The following ZNF808 variants were observed in gnomAD, a reference collection of about 807,000 sequenced individuals.
ZNF808 encodes the protein zinc finger protein 808.
A neutral mutation model predicts 8.7 loss-of-function variants in ZNF808; 5 were observed. That is an observed-to-expected ratio of 0.58 (90% CI 0.30 to 1.21). The LOEUF is 1.21. Ranked by LOEUF, ZNF808 falls within the 50% of genes most tolerant of loss-of-function variation. ZNF808 has a pLI of 0.07. For missense variants in ZNF808, 1,103 were observed against 1,098.4 expected, an observed-to-expected ratio of 1.00 and a Z score of -0.06; for synonymous variants, 380 against 366.0, an observed-to-expected ratio of 1.04 and a Z score of -0.44.
At chr19:52,568,644 A>T (rs1463734324), downstream of ZNF808, among the ~76,000 whole-genome samples, 1 of 152,104 alleles carries the variant, frequency 6.6e-6, no homozygotes. Context: ...GTGTGTGTGA[A>T]ATGTTAATGT....
At chr19:52,539,617 C>T (rs1442810939) in intron 2 of ZNF808, among the ~76,000 whole-genome samples, 2 of 118,810 alleles carry the variant, frequency 1.7e-5, no homozygotes, top group Non-Finnish European at 3.2e-5. Flanking sequence ...TGCAATGGTG[C>T]GATCTTGCTC....
intron 4 of ZNF808, among the ~76,000 whole-genome samples, chr19:52,550,297 C>T (rs1463260842): frequency 2.6e-5 from 4 of 151,490 alleles, no homozygotes; most frequent in Non-Finnish European, 5.9e-5. Flanking sequence ...ATTGCACAAT[C>T]TCAGTTCACC....
rs1373186656 is a variant in ZNF808 at position 52,553,998 on chromosome 19, A to C, written c.1082A>C (p.His361Pro). Residue 361 changes from histidine (H) to proline (P), a missense_variant, in exon 5 of 5, where the codon CAT (histidine) becomes CCT (proline). Coordinates refer to ENST00000359798, the MANE Select transcript of ZNF808 (RefSeq NM_001039886.4). ...AFNQQSHLSR[H>P]QRLHTGVKPY... ...AATCAACAATCACACCTTTCACGCC[A>C]TCAAAGACTTCATACTGGAGTGAAA... The C allele has an allele frequency of 1.2e-6, 2 of 1,614,198 alleles. No homozygotes were observed. Among genetic ancestry groups the C allele is most frequent in the Non-Finnish European group, 1.7e-6 (2 of 1,180,030 alleles).
At chr19:52,561,891 C>T (rs1274197802) in intron 3 of ZNF808, among the ~76,000 whole-genome samples, 1 of 152,140 alleles carries the variant, frequency 6.6e-6, no homozygotes, top group African/African-American at 2.4e-5. Flanking sequence ...GATGGCTTCA[C>T]ATATTGCAGG....
rs9676857 is a variant in ZNF808, at chr19:52,556,136, C to T, written c.*508C>T. On this transcript the variant is annotated 3_prime_UTR_variant, in exon 5 of 5. Transcript: ENST00000359798. ...GTTTGTGTTGACTTAACATTGAGTT[C>T]AAGCCTTAATTGACATTCAAGTGTT... 9.2e-4 allele frequency: 353 copies of T among 385,692 alleles called. No individual in the cohort carries two copies. Among genetic ancestry groups the T allele is most frequent in the African/African-American group, 7.2e-3 (339 of 47,272 alleles). The allele number at this position is 385,692 out of a possible 1,614,324, so 23.9% of individuals were successfully genotyped here. A position where few individuals can be genotyped will look rare whatever the true frequency, so the allele number is the denominator to read the frequency against.
chr19:52,546,705 G>A (rs192628382), intron 3 of ZNF808, among the ~76,000 whole-genome samples: 1 of 143,224 alleles, frequency 7.0e-6, no homozygotes, highest in East Asian at 2.1e-4. Context: ...GTGAAGTGGT[G>A]CGATCTCGGC....
intron 2 of ZNF808, among the ~76,000 whole-genome samples, chr19:52,542,958 TGGG>T (rs67486103): frequency 1.4e-5 from 2 of 142,032 alleles, no homozygotes; most frequent in African/African-American, 2.6e-5. Context: ...ATCTTTTTTT[TGGG>T]GGGGGGGTGG....
chr19:52,532,648 T>G (rs1029238248), intron 1 of ZNF808, among the ~76,000 whole-genome samples: 5 of 152,218 alleles, frequency 3.3e-5, no homozygotes, highest in Admixed American at 2.0e-4. Context: ...AAATACTCCT[T>G]ACTTTAGGCT....
chr19:52,532,115 C>T (rs1280178473), intron 1 of ZNF808, among the ~76,000 whole-genome samples: 4 of 152,066 alleles, frequency 2.6e-5, no homozygotes, highest in Non-Finnish European at 5.9e-5. Context: ...TATGGCTTTT[C>T]AGTATATGAT....
Position 52,531,495 on chromosome 19 carries a change from T to A in ZNF808, c.-121-1413T>A, listed in dbSNP as rs113283103. Reference sequence around the variant, plus strand: ...CATCTCAATAAATAAATAAATTAATTAATTAATTAATAATAAAAATAAAAG... The same window carrying A: ...CATCTCAATAAATAAATAAATTAATAAATTAATTAATAATAAAAATAAAAG... On this transcript the variant is annotated intron_variant, in intron 1 of 4. Transcript: ENST00000359798. Among the ~76,000 whole-genome samples, 627 of 151,868 alleles carry A rather than the reference T, an allele frequency of 4.1e-3. 1 individual carries two copies. The highest frequency in any genetic ancestry group is 0.017 in the Middle Eastern group (5 of 294).
At chr19:52,562,183 G>A (rs2059860349) in intron 3 of ZNF808, among the ~76,000 whole-genome samples, 1 of 152,108 alleles carries the variant, frequency 6.6e-6, no homozygotes, top group Non-Finnish European at 1.5e-5. Flanking sequence ...TTTGAGAGCA[G>A]CCTGGCCAAC....
chr19:52,538,918 T>C (rs2059640644), intron 2 of ZNF808, among the ~76,000 whole-genome samples: 1 of 152,068 alleles, frequency 6.6e-6, no homozygotes, highest in South Asian at 2.1e-4. Context: ...GCCAAACTCC[T>C]GTGTCTAAGT....
downstream of ZNF808, among the ~76,000 whole-genome samples, chr19:52,565,288 AAAAC>A (rs922460009): frequency 3.4e-4 from 51 of 152,098 alleles, no homozygotes; most frequent in Non-Finnish European, 5.7e-4. Flanking sequence ...GAAAAAATAA[AAAAC>A]AATATCAGTG....
chr19:52,536,989 C>T (rs2059618707), intron 2 of ZNF808, among the ~76,000 whole-genome samples: 1 of 134,664 alleles, frequency 7.4e-6, no homozygotes, highest in Non-Finnish European at 1.5e-5. Context: ...GAGTTCGAGA[C>T]CAGCCTGACC....
downstream of ZNF808, among the ~76,000 whole-genome samples, chr19:52,559,480 A>G (rs1321602191): frequency 6.6e-6 from 1 of 152,114 alleles, no homozygotes; most frequent in Non-Finnish European, 1.5e-5. Context: ...ATAATGATCA[A>G]TAAATACTGA....
At chr19:52,565,938 GC>G (rs1266856675), downstream of ZNF808, among the ~76,000 whole-genome samples, 1 of 152,102 alleles carries the variant, frequency 6.6e-6, no homozygotes, top group East Asian at 1.9e-4. Context: ...TTTAACCTTG[GC>G]AAAATAGATT....
At chr19:52,568,404 A>T (rs2059878098), downstream of ZNF808, among the ~76,000 whole-genome samples, 1 of 151,574 alleles carries the variant, frequency 6.6e-6, no homozygotes, top group African/African-American at 2.4e-5. Context: ...AAAATGTGCT[A>T]TACAATTTAG....
At chr19:52,543,433 T>C in intron 3 of ZNF808, 86 bp downstream of exon 3, 6 of 1,516,662 alleles carry the variant, frequency 4.0e-6, no homozygotes, top group Non-Finnish European at 5.3e-6. Context: ...TAATGTATTG[T>C]AGCAGCCAGT....
Position 52,554,501 on chromosome 19 carries a change from C to G in ZNF808, c.1585C>G (p.His529Asp). ...CCGTCACCGGGCATCCCTTGTATAC[C>G]ATCGTAGACTTCACACTCTAGAGAA... ...TFRHRASLVYHRRLHTLEKSY... is the reference protein window; with the variant it reads ...TFRHRASLVYDRRLHTLEKSY... The change falls in exon 5 of 5, where the codon CAT becomes GAT. Residue 529 changes from histidine to aspartate, a missense_variant. Coordinates refer to ENST00000359798, the MANE Select transcript of ZNF808 (RefSeq NM_001039886.4). 4 of 1,614,138 alleles carry G rather than the reference C, an allele frequency of 2.5e-6. No individual in the cohort carries two copies. The highest frequency in any genetic ancestry group is 3.4e-6 in the Non-Finnish European group (4 of 1,180,030).
Sources: gnomAD v4.1 joint callset for allele counts (sites outside exome capture counted in the v4.1 genomes callset) on GRCh38, gnomAD v4.1.1 for gene constraint, MANE v1.5 for transcripts, NCBI Gene and HGNC (gene_info 2026-07-23, HGNC 2026-07-21) for gene names.